The following CDK14 variants were observed in gnomAD, a reference collection of about 807,000 sequenced individuals.
CDK14 encodes cyclin-dependent kinase 14.
CDK14 carries 34 observed loss-of-function variants against 60.7 expected under a neutral mutation model. The observed-to-expected ratio is 0.56, with a 90% CI of 0.43 to 0.75. The LOEUF is 0.75. Ranked by LOEUF, CDK14 falls within the 30% of genes least tolerant of loss-of-function variation. The pLI is 0.00. For missense variants in CDK14, 482 were observed against 564.1 expected (o/e 0.85, Z 1.47); for synonymous variants, 197 against 203.7 (o/e 0.97, Z 0.28).
intron 5 of CDK14, among the ~76,000 whole-genome samples, chr7:90,832,805 T>A (rs2117116697): frequency 6.6e-6 from 1 of 152,320 alleles, no homozygotes; most frequent in East Asian, 1.9e-4. Context: ...AAGGAGCTTA[T>A]GTAAAAGGCT....
chr7:90,667,336 G>A (rs907673272), intron 2 of CDK14, among the ~76,000 whole-genome samples: 1 of 151,982 alleles, frequency 6.6e-6, no homozygotes, highest in African/African-American at 2.4e-5. Context: ...ATGCACAATT[G>A]GGCTTTTAGT....
chr7:91,074,344 AACTC>A (rs1388662425), intron 11 of CDK14, among the ~76,000 whole-genome samples: 2 of 152,258 alleles, frequency 1.3e-5, no homozygotes, highest in African/African-American at 2.4e-5. Context: ...AGGATTAAGA[AACTC>A]ACTCAAAACC....
intron 6 of CDK14, among the ~76,000 whole-genome samples, chr7:90,874,668 A>G (rs1363040612): frequency 1.3e-5 from 2 of 149,938 alleles, no homozygotes; most frequent in Non-Finnish European, 3.0e-5. Context: ...AGCTGGGACT[A>G]CAGGCGCCCG....
chr7:91,007,183 T>A (rs901203060), intron 10 of CDK14, among the ~76,000 whole-genome samples: 1 of 152,236 alleles, frequency 6.6e-6, no homozygotes, highest in Non-Finnish European at 1.5e-5. Context: ...CCCACCTTAG[T>A]GCCAGTGTTA....
chr7:90,622,842 A>C (rs1237897171), intron 2 of CDK14, among the ~76,000 whole-genome samples: 2 of 150,992 alleles, frequency 1.3e-5, no homozygotes, highest in South Asian at 2.1e-4. Context: ...GTCCCATCTT[A>C]TCTCAGATCA....
At chr7:90,996,189 T>G (rs1379535268) in intron 10 of CDK14, among the ~76,000 whole-genome samples, 2 of 152,214 alleles carry the variant, frequency 1.3e-5, no homozygotes, top group South Asian at 2.1e-4. Context: ...AATGAATATT[T>G]GTAATCATCA....
chr7:90,626,388 C>T (rs1390332147), intron 2 of CDK14, among the ~76,000 whole-genome samples: 1 of 152,164 alleles, frequency 6.6e-6, no homozygotes, highest in Non-Finnish European at 1.5e-5. Flanking sequence ...GGCTCTCTTA[C>T]TCAGCTGTTG....
At chr7:90,618,171 AG>A (rs1799691466) in intron 2 of CDK14, among the ~76,000 whole-genome samples, 1 of 152,194 alleles carries the variant, frequency 6.6e-6, no homozygotes, top group South Asian at 2.1e-4. Flanking sequence ...ATCTTTGTGA[AG>A]ATTAAAAATA....
At chr7:90,880,880 G>A (rs1042885727) in intron 6 of CDK14, among the ~76,000 whole-genome samples, 11 of 152,056 alleles carry the variant, frequency 7.2e-5, no homozygotes, top group South Asian at 2.1e-4. Context: ...AAGCAGAAAA[G>A]CAACAACAGC....
Position 91,148,226 on chromosome 7 carries a change from A to G in CDK14, c.*28+30018A>G, listed in dbSNP as rs141264497. Among the ~76,000 whole-genome samples the G allele has an allele frequency of 5.7e-3, 867 of 152,230 alleles. 4 individuals carry two copies. Among genetic ancestry groups the G allele is most frequent in the Non-Finnish European group, 9.1e-3 (620 of 68,016 alleles). Reference sequence around the variant, plus strand: ...GACCCCATCTCTACAAAAAAATTTTAAAAATTAGCCAGGTCCAGTGTGGTG... The same window carrying G: ...GACCCCATCTCTACAAAAAAATTTTGAAAATTAGCCAGGTCCAGTGTGGTG... On this transcript the variant is annotated intron_variant, in intron 14 of 14. Coordinates refer to ENST00000380050, the MANE Select transcript of CDK14 (RefSeq NM_001287135.2).
At chr7:91,085,290 A>T (rs140025004) in intron 12 of CDK14, among the ~76,000 whole-genome samples, 4 of 152,228 alleles carry the variant, frequency 2.6e-5, no homozygotes, top group African/African-American at 4.8e-5. Context: ...GGCAGAATTC[A>T]GTTCCTTGGG....
At chr7:91,199,795 A>G (rs1802661630) in intron 14 of CDK14, among the ~76,000 whole-genome samples, 1 of 152,204 alleles carries the variant, frequency 6.6e-6, no homozygotes, top group Non-Finnish European at 1.5e-5. Flanking sequence ...GATGTTACCA[A>G]ACAGCTTTCA....
chr7:90,989,357 A>G (rs1795469194), intron 10 of CDK14, among the ~76,000 whole-genome samples: 1 of 152,210 alleles, frequency 6.6e-6, no homozygotes, highest in African/African-American at 2.4e-5. Flanking sequence ...GATTTGTATC[A>G]TCATTACCAT....
At chr7:91,097,570 A>G (rs1279639563) in intron 12 of CDK14, among the ~76,000 whole-genome samples, 2 of 148,408 alleles carry the variant, frequency 1.3e-5, no homozygotes, top group Non-Finnish European at 3.0e-5. Flanking sequence ...CTCTAGAATC[A>G]TCATGTCTTA....
chr7:91,158,720 T>G (rs1000753653), intron 14 of CDK14, among the ~76,000 whole-genome samples: 1 of 152,154 alleles, frequency 6.6e-6, no homozygotes, highest in African/African-American at 2.4e-5. Context: ...GGCAGGAATG[T>G]GAGTAAGTGG....
At chr7:90,878,692 C>T (rs1440788704) in intron 6 of CDK14, among the ~76,000 whole-genome samples, 1 of 152,072 alleles carries the variant, frequency 6.6e-6, no homozygotes, top group Non-Finnish European at 1.5e-5. Context: ...TGACACATTA[C>T]ACCAGAAAAT....
chr7:90,982,360 G>A (rs990981005), intron 9 of CDK14, among the ~76,000 whole-genome samples: 1 of 152,274 alleles, frequency 6.6e-6, no homozygotes, highest in African/African-American at 2.4e-5. Flanking sequence ...GAGCCAAATG[G>A]TACAGTTTTA....
At chr7:90,973,155 TC>T (rs1370736958) in intron 9 of CDK14, among the ~76,000 whole-genome samples, 1 of 152,158 alleles carries the variant, frequency 6.6e-6, no homozygotes, top group Non-Finnish European at 1.5e-5. Flanking sequence ...TTTTTTAACA[TC>T]CTTCTTTCCA....
In CDK14 at chr7:90,998,993, G is replaced by A. The variant is rs1037915887; in HGVS notation, c.1041+14752G>A. ...CATCTGGTGAGGGCCTTCTTATGTC[G>A]TAACATCGTGGAGAGCATCAGATGG... On this transcript the variant is annotated intron_variant, in intron 10 of 14. Coordinates refer to ENST00000380050, the MANE Select transcript of CDK14 (RefSeq NM_001287135.2). Among the ~76,000 whole-genome samples the A allele has an allele frequency of 5.9e-5, 9 of 152,146 alleles. No homozygotes were observed. In the South Asian group the frequency reaches 8.3e-4, roughly 14 times the overall value.
Sources: gnomAD v4.1 joint callset for allele counts (sites outside exome capture counted in the v4.1 genomes callset) on GRCh38, gnomAD v4.1.1 for gene constraint, MANE v1.5 for transcripts, NCBI Gene and HGNC (gene_info 2026-07-23, HGNC 2026-07-21) for gene names.